The following TEX2 variants were observed in gnomAD, a reference collection of about 807,000 sequenced individuals.
The protein encoded by TEX2 is testis expressed 2.
Under a neutral mutation model 106.9 loss-of-function variants are expected in TEX2, and 53 were observed. That is an observed-to-expected ratio of 0.50 (90% confidence interval 0.40 to 0.62). The LOEUF is 0.62. Ranked by LOEUF, TEX2 falls within the 20% of genes least tolerant of loss-of-function variation. TEX2 has a pLI of 0.00. For missense variants in TEX2, 1,207 were observed against 1,379.0 expected, an observed-to-expected ratio of 0.88 and a Z score of 1.98; for synonymous variants, 523 against 534.8, an observed-to-expected ratio of 0.98 and a Z score of 0.30.
Position 64,159,769 on chromosome 17 carries a change from C to T in TEX2, c.2804+1032G>A, listed in dbSNP as rs151120475. Among the ~76,000 whole-genome samples the T allele has an allele frequency of 2.9e-3, 445 of 152,266 alleles. 2 individuals are homozygous for T. Among genetic ancestry groups the T allele is most frequent in the African/African-American group, 0.01 (419 of 41,546 alleles). On this transcript the variant is annotated intron_variant, in intron 8 of 11. Coordinates refer to ENST00000584379, the MANE Select transcript of TEX2 (RefSeq NM_001288732.2). ...AAATAGAAAAATGAAAGGAAAATAGCACAGACACCGGTTAGATTGCATATA... is the reference window on the plus strand; with the variant it reads ...AAATAGAAAAATGAAAGGAAAATAGTACAGACACCGGTTAGATTGCATATA...
chr17:64,214,473 C>A (rs2033128134), intron 1 of TEX2, among the ~76,000 whole-genome samples: 1 of 152,198 alleles, frequency 6.6e-6, no homozygotes, highest in South Asian at 2.1e-4. Flanking sequence ...AAATGCCATA[C>A]AATCTGTCTT....
intron 2 of TEX2, among the ~76,000 whole-genome samples, chr17:64,197,325 T>C (rs1284617927): frequency 1.3e-5 from 2 of 152,210 alleles, no homozygotes; most frequent in Admixed American, 6.5e-5. Flanking sequence ...TTAGGTTATC[T>C]ATTTCTTCTT....
rs2030088229 is a variant in TEX2, at chr17:64,147,371, CTG to C, written c.*1596_*1597del. On this transcript the variant is annotated 3_prime_UTR_variant, in exon 12 of 12. Coordinates refer to ENST00000584379, the MANE Select transcript of TEX2 (RefSeq NM_001288732.2). ...ATTGCCAGGTGAGGGCCCCGGTGCT[CTG>C]TACTCATTTTATTGTGCCCCTATCT... 6.6e-6 allele frequency: 1 copy of C among 151,914 alleles called. No individual in the cohort carries two copies. The highest frequency in any genetic ancestry group is 1.5e-5 in the Non-Finnish European group (1 of 68,020). 9.4% of individuals were successfully genotyped at this position (151,914 alleles called of 1,614,324 possible).
At chr17:64,237,312 G>A (rs950223624) in intron 1 of TEX2, among the ~76,000 whole-genome samples, 1 of 152,122 alleles carries the variant, frequency 6.6e-6, no homozygotes, top group Non-Finnish European at 1.5e-5. Flanking sequence ...TATGAGACAG[G>A]AGTGCGGCAG....
chr17:64,155,118 A>C, intron 8 of TEX2, 151 bp from the exon 9 acceptor site: 2 of 944,006 alleles, frequency 2.1e-6, no homozygotes, highest in Non-Finnish European at 2.9e-6. Flanking sequence ...ACCCACCCAA[A>C]CCAGAAGAGG....
intron 2 of TEX2, among the ~76,000 whole-genome samples, chr17:64,200,638 G>T (rs1456785839): frequency 3.3e-5 from 5 of 152,234 alleles, no homozygotes; most frequent in African/African-American, 1.2e-4. Flanking sequence ...TGATTCAGAA[G>T]AATGTGAAAG....
intron 1 of TEX2, chr17:64,242,526 A>G (rs749251247): frequency 6.6e-6 from 1 of 152,330 alleles, no homozygotes; most frequent in East Asian, 1.9e-4. Context: ...GCTCCTCTGC[A>G]GGATGTGATC....
intron 1 of TEX2, among the ~76,000 whole-genome samples, chr17:64,243,036 C>A (rs561456597): frequency 1.3e-5 from 2 of 151,844 alleles, no homozygotes; most frequent in Non-Finnish European, 2.9e-5. Context: ...TCAAGCGATT[C>A]TTCTGCCTCC....
chr17:64,185,548 TA>T lies in TEX2; in HGVS notation c.2424+2619del, dbSNP rs1216498888. 1.5e-4 allele frequency among the ~76,000 whole-genome samples: 23 copies of T among 152,264 alleles called. No individual in the cohort carries two copies. The highest frequency in any genetic ancestry group is 5.1e-4 in the African/African-American group (21 of 41,550). ...AGGCCCTTGCCCCCCAAAATAGTGATATTTTCTAATTCAAATTTTCAGCACC... is the reference window on the plus strand; with the variant it reads ...AGGCCCTTGCCCCCCAAAATAGTGATTTTTCTAATTCAAATTTTCAGCACC... On this transcript the variant is annotated intron_variant, in intron 5 of 11. Transcript: ENST00000584379. The surrounding 1 kb of genome is among the most constrained non-coding windows in gnomAD (Gnocchi z 4.0).
intron 5 of TEX2, among the ~76,000 whole-genome samples, chr17:64,184,097 C>G (rs1226440904): frequency 1.3e-5 from 2 of 152,096 alleles, no homozygotes; most frequent in South Asian, 2.1e-4. Flanking sequence ...CTATTCAGAT[C>G]CTTTACCCTT....
chr17:64,222,170 T>C (rs2033374698), intron 1 of TEX2, among the ~76,000 whole-genome samples: 1 of 152,192 alleles, frequency 6.6e-6, no homozygotes, highest in African/African-American at 2.4e-5. Context: ...ACGTATTTTA[T>C]CATAATTAAA....
chr17:64,164,045 G>A (rs2031007481), intron 7 of TEX2, among the ~76,000 whole-genome samples: 1 of 152,138 alleles, frequency 6.6e-6, no homozygotes, highest in African/African-American at 2.4e-5. Context: ...TCTGGGAAAG[G>A]GGGCTGGAGG....
chr17:64,194,867 C>T lies in TEX2; in HGVS notation c.1845+28G>A, dbSNP rs751356754. 2.5e-6 allele frequency: 4 copies of T among 1,608,786 alleles called. No individual in the cohort carries two copies. In the East Asian group the frequency reaches 8.9e-5, roughly 36 times the overall value. ...GCCATATGCTTTTCATTCATCTAAG[C>T]TATCCTTCCAAAATTGCTCAGGCTC... On this transcript the variant is annotated intron_variant, in intron 3 of 11. Coordinates refer to ENST00000584379, the MANE Select transcript of TEX2 (RefSeq NM_001288732.2).
intron 6 of TEX2, among the ~76,000 whole-genome samples, chr17:64,175,261 T>TG (rs973010056): frequency 6.6e-6 from 1 of 152,214 alleles, no homozygotes; most frequent in African/African-American, 2.4e-5. Flanking sequence ...CACTTCACAG[T>TG]GCAGCAGATC....
chr17:64,165,702 C>T (rs2031100899), intron 7 of TEX2, among the ~76,000 whole-genome samples: 1 of 152,162 alleles, frequency 6.6e-6, no homozygotes, highest in African/African-American at 2.4e-5. Context: ...GATGTGAAGG[C>T]ACCAGGCACA....
intron 8 of TEX2, among the ~76,000 whole-genome samples, chr17:64,158,535 C>T (rs2030736232): frequency 6.6e-6 from 1 of 152,226 alleles, no homozygotes; most frequent in African/African-American, 2.4e-5. Flanking sequence ...AGGTCACACG[C>T]TTCAAACAGC....
intron 7 of TEX2, among the ~76,000 whole-genome samples, chr17:64,167,693 C>T (rs1378646024): frequency 2.0e-5 from 3 of 152,074 alleles, no homozygotes; most frequent in African/African-American, 7.2e-5. Flanking sequence ...GTGGCAGGTG[C>T]CTGTAATCCC....
At position 64,213,535 on chromosome 17, in the gene TEX2, T is replaced by C. The variant is rs572203355; in HGVS notation, c.683A>G (p.Gln228Arg). ...VKSLSTDTSR[Q>R]ESDTVSYKPP... is the part of the protein sequence containing the mutation. Reference sequence around the variant, plus strand: ...CTTATAGGACACTGTATCCGACTCCTGCCGGGAAGTGTCCGTGGACAGAGA... The same window carrying C: ...CTTATAGGACACTGTATCCGACTCCCGCCGGGAAGTGTCCGTGGACAGAGA... Residue 228 changes from glutamine (Q) to arginine (R), a missense_variant, in exon 2 of 12, where the codon CAG (glutamine) becomes CGG (arginine). Transcript: ENST00000584379. The surrounding 1 kb of genome is among the most constrained non-coding windows in gnomAD (Gnocchi z 4.4). The C allele has an allele frequency of 1.9e-6, 3 of 1,614,136 alleles. No individual in the cohort carries two copies. The South Asian group carries it at 3.3e-5, about 18-fold the overall frequency.
intron 11 of TEX2, 196 bp from the exon 12 acceptor site, chr17:64,149,287 G>T (rs2030221664): frequency 1.7e-6 from 1 of 572,604 alleles, no homozygotes; most frequent in Non-Finnish European, 3.0e-6. Context: ...ATGGATACGA[G>T]AATCCTCTAA....
Sources: gnomAD v4.1 joint callset for allele counts (sites outside exome capture counted in the v4.1 genomes callset) on GRCh38, gnomAD v4.1.1 for gene constraint, Gnocchi (gnomAD v3.1) non-coding constraint, MANE v1.5 for transcripts, NCBI Gene and HGNC (gene_info 2026-07-23, HGNC 2026-07-21) for gene names.